The following PDCL2 variants were observed in gnomAD, a reference collection of about 807,000 sequenced individuals.
PDCL2 encodes phosducin-like protein 2.
A neutral mutation model predicts 30.3 loss-of-function variants in PDCL2; 23 were observed. That is an observed-to-expected ratio of 0.76 (90% CI 0.55 to 1.08). PDCL2 has a LOEUF of 1.08. PDCL2 is among the 50% of genes least tolerant of loss of function. PDCL2 has a pLI of 0.00. For synonymous variants in PDCL2, 68 were observed against 86.2 expected (o/e 0.79, Z 1.17); for missense variants, 243 against 282.3 (o/e 0.86, Z 1.00).
chr4:55,569,606 T>G, intron 4 of PDCL2, 112 bp downstream of exon 4: 1 of 608,950 alleles, frequency 1.6e-6, no homozygotes, highest in Non-Finnish European at 2.6e-6. Flanking sequence ...ATGTGTGCAA[T>G]ATATAGTTGC....
At chr4:55,578,022 C>G (rs1030057898) in intron 3 of PDCL2, among the ~76,000 whole-genome samples, 1 of 152,152 alleles carries the variant, frequency 6.6e-6, no homozygotes, top group Admixed American at 6.5e-5. Context: ...TGTCTTTGTG[C>G]TGGCGATCAT....
intron 3 of PDCL2, among the ~76,000 whole-genome samples, chr4:55,570,690 A>G (rs1166806065): frequency 6.6e-6 from 1 of 152,220 alleles, no homozygotes; most frequent in Non-Finnish European, 1.5e-5. Flanking sequence ...ATCTATCCAT[A>G]GAGAACCTTG....
intron 1 of PDCL2, among the ~76,000 whole-genome samples, chr4:55,584,295 C>T (rs7668953): frequency 0.017 from 2,495 of 150,888 alleles, 65 homozygotes; most frequent in African/African-American, 0.058. Flanking sequence ...CTCGTTCTGT[C>T]GCCCAGGCTG....
Position 55,582,224 on chromosome 4 carries a change from T to A in PDCL2, c.20A>T (p.Asp7Val), listed in dbSNP as rs373487678. 6.2e-7 allele frequency: 1 copy of A among 1,605,916 alleles called. No individual in the cohort carries two copies. The highest frequency in any genetic ancestry group is 8.5e-7 in the Non-Finnish European group (1 of 1,177,180). MQDPNE[D>V]TEWNDILRDF... is the part of the protein sequence containing the mutation. ...TCTTAAAATGTCATTCCATTCTGTA[T>A]CTTCATTGGGATCCTACACAAAAAG... is the stretch of plus-strand genomic sequence containing the variant. The change falls in exon 2 of 6, where the codon GAT (aspartate) becomes GTT (valine). Residue 7 changes from aspartate (D) to valine (V), a missense_variant. By Grantham distance (152) the Asp-to-Val change is radical. Transcript: ENST00000295645.
intron 5 of PDCL2, among the ~76,000 whole-genome samples, chr4:55,558,430 G>T (rs1732040740): frequency 6.6e-6 from 1 of 152,150 alleles, no homozygotes; most frequent in Non-Finnish European, 1.5e-5. Flanking sequence ...CTGCTGCCAT[G>T]TGAAGAAGAA....
chr4:55,582,311 T>G (rs1409557136), intron 1 of PDCL2, 74 bp from the exon 2 acceptor site: 1 of 1,423,008 alleles, frequency 7.0e-7, no homozygotes, highest in Non-Finnish European at 9.4e-7. Flanking sequence ...TTCATTAAGA[T>G]GTAGCACTTC....
intron 3 of PDCL2, among the ~76,000 whole-genome samples, chr4:55,577,361 T>A (rs1732596718): frequency 6.6e-6 from 1 of 152,188 alleles, no homozygotes; most frequent in South Asian, 2.1e-4. Context: ...CACAGCACCA[T>A]CATTTAGTGG....
intron 3 of PDCL2, among the ~76,000 whole-genome samples, chr4:55,573,561 C>T (rs1405592336): frequency 1.3e-5 from 2 of 151,990 alleles, no homozygotes; most frequent in African/African-American, 2.4e-5. Context: ...ACCAGCCTGG[C>T]CAACGTGGTG....
intron 4 of PDCL2, 140 bp from the exon 5 acceptor site, chr4:55,562,752 C>A: frequency 1.8e-6 from 1 of 560,638 alleles, no homozygotes. Flanking sequence ...CTATTGTTAC[C>A]TTTAGCAATG....
At chr4:55,589,863 G>C (rs1732952521) in intron 1 of PDCL2, among the ~76,000 whole-genome samples, 2 of 152,116 alleles carry the variant, frequency 1.3e-5, no homozygotes, top group Non-Finnish European at 2.9e-5. Flanking sequence ...TGGGAGGCAA[G>C]TTATGGGGAG....
intron 5 of PDCL2, among the ~76,000 whole-genome samples, chr4:55,558,183 A>AT (rs1246977507): frequency 2.0e-5 from 3 of 151,834 alleles, no homozygotes; most frequent in Middle Eastern, 3.5e-3. Context: ...AAACAATTGC[A>AT]TTTTCTTACA....
At position 55,570,063 on chromosome 4, in the gene PDCL2, G is replaced by A. The variant is rs1016058663; in HGVS notation, c.219-202C>T. Among the ~76,000 whole-genome samples the A allele has an allele frequency of 3.9e-5, 6 of 152,246 alleles. No homozygotes were observed. In the East Asian group the frequency reaches 1.2e-3, roughly 29 times the overall value. On this transcript the variant is annotated intron_variant, in intron 3 of 5. Coordinates refer to ENST00000295645, the MANE Select transcript of PDCL2 (RefSeq NM_152401.3). ...TGTGTTATCATGGTTATTGGAAAGT[G>A]TAAGAAGTTTGCTATTGACTTTTAA... is the stretch of plus-strand genomic sequence containing the variant.
intron 5 of PDCL2, among the ~76,000 whole-genome samples, chr4:55,561,383 G>A (rs371946595): frequency 3.9e-5 from 6 of 152,020 alleles, no homozygotes; most frequent in East Asian, 1.9e-4. Context: ...CCAACAGGGC[G>A]AACCCCCATC....
At chr4:55,561,506 G>A (rs1003419154) in intron 5 of PDCL2, among the ~76,000 whole-genome samples, 1 of 152,164 alleles carries the variant, frequency 6.6e-6, no homozygotes, top group African/African-American at 2.4e-5. Context: ...AGAGGTTGCA[G>A]TGAGCCAAGG....
intron 3 of PDCL2, among the ~76,000 whole-genome samples, chr4:55,572,502 T>G (rs889261179): frequency 1.3e-5 from 2 of 152,176 alleles, no homozygotes; most frequent in Non-Finnish European, 2.9e-5. Context: ...ACCTATCTCC[T>G]TAGTAACAAT....
intron 5 of PDCL2, among the ~76,000 whole-genome samples, chr4:55,562,027 A>G (rs538882070): frequency 5.3e-5 from 8 of 151,102 alleles, no homozygotes; most frequent in Admixed American, 2.0e-4. Context: ...GGTAGAATAC[A>G]TTAGGTACAA....
chr4:55,581,670 A>G (rs1276002452), intron 2 of PDCL2, among the ~76,000 whole-genome samples: 1 of 152,152 alleles, frequency 6.6e-6, no homozygotes, highest in Non-Finnish European at 1.5e-5. Flanking sequence ...AAATACTGAA[A>G]GTAGTTGAGG....
chr4:55,586,539 C>T (rs10026692), intron 1 of PDCL2, among the ~76,000 whole-genome samples: 64,038 of 151,986 alleles, frequency 0.42, 15,189 homozygotes, highest in African/African-American at 0.64. Context: ...GAATAATATT[C>T]CATTGTACCT....
intron 3 of PDCL2, among the ~76,000 whole-genome samples, chr4:55,577,003 T>C (rs2110162669): frequency 6.6e-6 from 1 of 152,008 alleles, no homozygotes. Flanking sequence ...ATTCAAGCAA[T>C]TCTCCTGCCT....
Sources: allele counts gnomAD v4.1 joint callset (sites outside exome capture counted in the v4.1 genomes callset), GRCh38; gene constraint gnomAD v4.1.1; transcripts MANE v1.5; gene names NCBI Gene and HGNC (gene_info 2026-07-23, HGNC 2026-07-21).